ZNF652: variants seen among roughly 807,000 people sequenced by gnomAD.
ZNF652 encodes the protein zinc finger protein 652.
A neutral mutation model predicts 45.2 loss-of-function variants in ZNF652; 16 were observed. The observed-to-expected ratio is 0.35, with a 90% CI of 0.24 to 0.54. ZNF652 has a LOEUF of 0.54. Among genes scored for constraint, ZNF652 ranks in the 20% least tolerant of loss-of-function variants. The probability of loss-of-function intolerance (pLI) is 0.91; values close to 1 mark genes in which losing one functional copy is unlikely to be tolerated. For synonymous variants in ZNF652, 250 were observed against 260.6 expected, an observed-to-expected ratio of 0.96 and a Z score of 0.39; for missense variants, 614 against 765.6, an observed-to-expected ratio of 0.80 and a Z score of 2.34.
At chr17:49,361,505 G>T (rs2070393474) in intron 1 of ZNF652, among the ~76,000 whole-genome samples, 1 of 152,222 alleles carries the variant, frequency 6.6e-6, no homozygotes, top group Non-Finnish European at 1.5e-5. Flanking sequence ...CAAGGCGGGG[G>T]AGGTAGTGGG....
At chr17:49,334,271 A>G (rs1204205762) in intron 1 of ZNF652, among the ~76,000 whole-genome samples, 1 of 152,194 alleles carries the variant, frequency 6.6e-6, no homozygotes, top group Admixed American at 6.5e-5. Context: ...ACTTGAGCCC[A>G]GGAGTTTGCA....
chr17:49,331,730 A>G (rs1305705596), intron 1 of ZNF652, among the ~76,000 whole-genome samples: 1 of 152,214 alleles, frequency 6.6e-6, no homozygotes, highest in East Asian at 1.9e-4. Flanking sequence ...TATTTTATAC[A>G]TTTGGCCTAC....
intron 5 of ZNF652, among the ~76,000 whole-genome samples, chr17:49,303,354 C>T (rs973628132): frequency 6.7e-6 from 1 of 149,580 alleles, no homozygotes; most frequent in Non-Finnish European, 1.5e-5. Flanking sequence ...AATTCTCCTG[C>T]CTCAGCCTCC....
chr17:49,310,128 T>C (rs566522240), intron 5 of ZNF652, among the ~76,000 whole-genome samples: 1 of 152,288 alleles, frequency 6.6e-6, no homozygotes, highest in East Asian at 1.9e-4. Context: ...TAATTTTTTG[T>C]ATTTTTAGTA....
rs1446469953 is a variant in ZNF652 at position 49,292,355 on chromosome 17, TATATA to T, written c.*6053_*6057del. Among the ~76,000 whole-genome samples the T allele has an allele frequency of 6.6e-6, 1 of 152,198 alleles. No homozygotes were observed. Among genetic ancestry groups the T allele is most frequent in the Non-Finnish European group, 1.5e-5 (1 of 68,036 alleles). ...TCATCACGGAGGTGCTCGATCATAT[TATATA>T]AAACACTGCAACCTCCTTTTCATTA... On this transcript the variant is annotated 3_prime_UTR_variant, in exon 6 of 6. Transcript: ENST00000430262.
Position 49,316,830 on chromosome 17 carries a change from A to C in ZNF652, c.896T>G (p.Ile299Ser), listed in dbSNP as rs2069811173. ...LHQQTDCEKN[I>S]QCVSCNKSFK... ...CCTCTCGGTGATGAAACCTACCTGA[A>C]TGTTTTTTTCACAGTCTGTTTGCTG... Residue 299 changes from isoleucine to serine, a missense_variant, in exon 2 of 6, where the codon ATT becomes AGT. Around this residue, in one of 5 missense-constraint regions of ZNF652, gnomAD observed 262 missense variants for 306.3 expected, o/e 0.86. Transcript: ENST00000430262. 1 of 1,609,030 alleles carries C rather than the reference A, an allele frequency of 6.2e-7. No individual in the cohort carries two copies. Among genetic ancestry groups the C allele is most frequent in the African/African-American group, 1.3e-5 (1 of 74,590 alleles).
intron 2 of ZNF652, among the ~76,000 whole-genome samples, chr17:49,315,048 T>C (rs1314491285): frequency 1.3e-5 from 2 of 148,530 alleles, no homozygotes; most frequent in African/African-American, 5.0e-5. Flanking sequence ...GTTTGTTTTT[T>C]TTTTTTTTTT....
At chr17:49,351,012 T>C (rs7210304) in intron 1 of ZNF652, among the ~76,000 whole-genome samples, 248 of 20,164 alleles carry the variant, frequency 0.012, 5 homozygotes, top group African/African-American at 0.02. Context: ...TATATATATA[T>C]ATACACACAC....
At chr17:49,349,801 G>A (rs1037287726) in intron 1 of ZNF652, among the ~76,000 whole-genome samples, 2 of 152,086 alleles carry the variant, frequency 1.3e-5, no homozygotes, top group South Asian at 2.1e-4. Flanking sequence ...AGAAGGGTGG[G>A]GAAAATTCTG....
In ZNF652 at chr17:49,317,181, A is replaced by G. The variant is rs143218454; in HGVS notation, c.545T>C (p.Val182Ala). The G allele has an allele frequency of 6.6e-4, 1,071 of 1,613,528 alleles. 5 individuals are homozygous for G. The African/African-American group carries it at 0.013, about 20-fold the overall frequency. The change falls in exon 2 of 6, where the codon GTA becomes GCA. Residue 182 changes from valine (V) to alanine (A), a missense_variant. Transcript: ENST00000430262. ...NEKQKKKEKI[V>A]EKVSVTQRRT... ...CCTTTGTGTAACGCTGACTTTCTCT[A>G]CTATCTTCTCCTTTTTCTTCTGCTT...
chr17:49,329,422 T>TA lies in ZNF652; in HGVS notation c.-258-11440dup, dbSNP rs138813109. Among the ~76,000 whole-genome samples the TA allele has an allele frequency of 4.5e-4, 68 of 152,336 alleles. 1 individual carries two copies. The East Asian group carries it at 0.013, about 29-fold the overall frequency. On this transcript the variant is annotated intron_variant, in intron 1 of 5. Coordinates refer to ENST00000430262, the MANE Select transcript of ZNF652 (RefSeq NM_001145365.3). ...CAAAGGTGCTCACAATATCGACCTG[T>TA]AAATAGAAAAGCTACCAACATCAAC...
At chr17:49,307,332 G>GAGGC (rs2069643276) in intron 5 of ZNF652, among the ~76,000 whole-genome samples, 1 of 150,072 alleles carries the variant, frequency 6.7e-6, no homozygotes, top group South Asian at 2.1e-4. Flanking sequence ...TTGAGAGGCT[G>GAGGC]AGGCAGGAGA....
At chr17:49,345,484 A>G (rs909921806) in intron 1 of ZNF652, among the ~76,000 whole-genome samples, 1 of 149,832 alleles carries the variant, frequency 6.7e-6, no homozygotes, top group Non-Finnish European at 1.5e-5. Context: ...TTACAGGCGT[A>G]AGCCACCGCG....
rs942012149 is a variant in ZNF652, at chr17:49,358,845, G to A, written c.-259+3064C>T. Among the ~76,000 whole-genome samples the A allele has an allele frequency of 2.6e-5, 4 of 152,180 alleles. No homozygotes were observed. The East Asian group carries it at 7.7e-4, about 29-fold the overall frequency. ...GAGCTGCTGATCTGAAACCTCCTAAGGGAAGGGTGTCTGAAGAAGAGTGTT... is the reference window on the plus strand; with the variant it reads ...GAGCTGCTGATCTGAAACCTCCTAAAGGAAGGGTGTCTGAAGAAGAGTGTT... On this transcript the variant is annotated intron_variant, in intron 1 of 5. Coordinates refer to ENST00000430262, the MANE Select transcript of ZNF652 (RefSeq NM_001145365.3).
rs113765541 is a variant in ZNF652 at position 49,337,276 on chromosome 17, T to C, written c.-258-19293A>G. On this transcript the variant is annotated intron_variant, in intron 1 of 5. Coordinates refer to ENST00000430262, the MANE Select transcript of ZNF652 (RefSeq NM_001145365.3). ...ACTCGAGCCCGAGAGTTCCAGGCTATAGTAAGCTATGATCATGCTGCTGCC... is the reference window on the plus strand; with the variant it reads ...ACTCGAGCCCGAGAGTTCCAGGCTACAGTAAGCTATGATCATGCTGCTGCC... Among the ~76,000 whole-genome samples, 136 of 147,662 alleles carry C rather than the reference T, an allele frequency of 9.2e-4. 1 individual carries two copies. Among genetic ancestry groups the C allele is most frequent in the African/African-American group, 3.0e-3 (121 of 39,804 alleles).
intron 1 of ZNF652, among the ~76,000 whole-genome samples, chr17:49,337,337 TAAAAAAAA>T (rs71369295): frequency 4.6e-5 from 6 of 130,530 alleles, no homozygotes; most frequent in Admixed American, 1.6e-4. Flanking sequence ...CCCATTCTCT[TAAAAAAAA>T]AAAAAAAAAG....
chr17:49,360,624 T>C (rs2143160296), intron 1 of ZNF652, among the ~76,000 whole-genome samples: 1 of 152,254 alleles, frequency 6.6e-6, no homozygotes, highest in Admixed American at 6.5e-5. Flanking sequence ...CGACATCACC[T>C]GTATTCAGCT....
intron 1 of ZNF652, among the ~76,000 whole-genome samples, chr17:49,333,218 C>T (rs540376681): frequency 2.0e-5 from 3 of 150,912 alleles, no homozygotes; most frequent in African/African-American, 4.9e-5. Context: ...TCACCATGCC[C>T]AGCTAATATT....
At chr17:49,301,444 T>C (rs2069551365) in intron 5 of ZNF652, among the ~76,000 whole-genome samples, 3 of 152,110 alleles carry the variant, frequency 2.0e-5, no homozygotes. Flanking sequence ...ATTACAGGCA[T>C]GTGCCACCAC....
Sources: allele counts gnomAD v4.1 joint callset (sites outside exome capture counted in the v4.1 genomes callset), GRCh38; gene constraint gnomAD v4.1.1; regional missense constraint gnomAD v4.1.1; transcripts MANE v1.5; gene names NCBI Gene and HGNC (gene_info 2026-07-23, HGNC 2026-07-21).